CDYL: variants seen among roughly 807,000 people sequenced by gnomAD.
The protein encoded by CDYL is chromodomain Y-like protein.
CDYL carries 8 observed loss-of-function variants against 47.3 expected under a neutral mutation model. That is an observed-to-expected ratio of 0.17 (90% CI 0.10 to 0.31). CDYL has a LOEUF of 0.31. CDYL is among the 10% of genes least tolerant of loss of function. The pLI is 1.00. For synonymous variants in CDYL, 266 were observed against 265.0 expected (o/e 1.00, Z -0.04); for missense variants, 471 against 701.4 (o/e 0.67, Z 3.71).
intron 1 of CDYL, among the ~76,000 whole-genome samples, chr6:4,888,327 T>G (rs1441798705): frequency 1.3e-5 from 2 of 152,174 alleles, no homozygotes; most frequent in East Asian, 3.8e-4. Context: ...GTTTTGATGA[T>G]CAGTCTTATA....
intron 4 of CDYL, among the ~76,000 whole-genome samples, chr6:4,943,305 C>T (rs889087244): frequency 6.6e-6 from 1 of 152,160 alleles, no homozygotes; most frequent in Non-Finnish European, 1.5e-5. Context: ...ACCCTGTGGC[C>T]TTCACGTAGG....
At chr6:4,747,524 C>A (rs776427977) in intron 3 of CDYL, among the ~76,000 whole-genome samples, 2 of 152,116 alleles carry the variant, frequency 1.3e-5, no homozygotes, top group East Asian at 3.8e-4. Context: ...CCCAACTGTG[C>A]GTTTTCCAAA....
At chr6:4,896,899 A>G (rs899941829) in intron 2 of CDYL, among the ~76,000 whole-genome samples, 2 of 152,202 alleles carry the variant, frequency 1.3e-5, no homozygotes, top group African/African-American at 4.8e-5. Context: ...CAAAGAATGA[A>G]TGTTTCTGGA....
intron 5 of CDYL, among the ~76,000 whole-genome samples, chr6:4,948,950 C>T (rs1342702394): frequency 6.6e-6 from 1 of 152,268 alleles, no homozygotes; most frequent in Non-Finnish European, 1.5e-5. Context: ...GAGCTTTCAG[C>T]AGCCTGAGGC....
chr6:4,914,713 A>G (rs1757508197), intron 2 of CDYL, among the ~76,000 whole-genome samples: 1 of 152,200 alleles, frequency 6.6e-6, no homozygotes, highest in African/African-American at 2.4e-5. Flanking sequence ...GTTTGCATAG[A>G]ACACAGGGTT....
At chr6:4,871,214 T>C (rs1049632781) in intron 1 of CDYL, among the ~76,000 whole-genome samples, 1 of 152,200 alleles carries the variant, frequency 6.6e-6, no homozygotes, top group Non-Finnish European at 1.5e-5. Flanking sequence ...TCTGACTTTC[T>C]AGGGGTCACT....
At chr6:4,908,917 G>A (rs569137542) in intron 2 of CDYL, among the ~76,000 whole-genome samples, 17 of 152,286 alleles carry the variant, frequency 1.1e-4, no homozygotes, top group African/African-American at 2.6e-4. Flanking sequence ...TCCGTTCTTC[G>A]CTGCGTTCTG....
At chr6:4,913,270 A>AT (rs34118687) in intron 2 of CDYL, among the ~76,000 whole-genome samples, 2 of 152,068 alleles carry the variant, frequency 1.3e-5, no homozygotes, top group East Asian at 3.8e-4. Context: ...TTTAATTAAA[A>AT]TTTTTTTATT....
chr6:4,749,001 T>C (rs762586816), intron 3 of CDYL, among the ~76,000 whole-genome samples: 3 of 152,234 alleles, frequency 2.0e-5, no homozygotes, highest in Non-Finnish European at 4.4e-5. Flanking sequence ...GTGACTCCCC[T>C]GTAGACACAC....
At chr6:4,735,703 T>C (rs1757690109) in intron 3 of CDYL, among the ~76,000 whole-genome samples, 2 of 151,676 alleles carry the variant, frequency 1.3e-5, no homozygotes, top group Admixed American at 6.6e-5. Context: ...GAGGTGGAGG[T>C]TGCGGCGAGC....
intron 5 of CDYL, among the ~76,000 whole-genome samples, chr6:4,950,045 ATGAG>A (rs1025043877): frequency 2.0e-5 from 3 of 152,160 alleles, no homozygotes; most frequent in African/African-American, 7.2e-5. Context: ...ACCGGCCGCA[ATGAG>A]TGAGTGCTGA....
upstream of CDYL, among the ~76,000 whole-genome samples, chr6:4,776,107 C>G (rs1053211808): frequency 2.0e-5 from 3 of 150,300 alleles, no homozygotes; most frequent in African/African-American, 7.3e-5. Context: ...TGCCGCGGGC[C>G]AGGCCGACCC....
At chr6:4,764,173 G>T (rs1758217532) in intron 3 of CDYL, among the ~76,000 whole-genome samples, 1 of 152,124 alleles carries the variant, frequency 6.6e-6, no homozygotes, top group South Asian at 2.1e-4. Flanking sequence ...AAATAAAAGT[G>T]TTAATTGTAA....
At chr6:4,936,443 T>C (rs1306007260) in intron 3 of CDYL, among the ~76,000 whole-genome samples, 1 of 152,174 alleles carries the variant, frequency 6.6e-6, no homozygotes, top group Non-Finnish European at 1.5e-5. Context: ...AGTAGCTAGG[T>C]TGAGTTTTGT....
chr6:4,863,580 C>T (rs1021289207), intron 1 of CDYL, among the ~76,000 whole-genome samples: 1 of 152,202 alleles, frequency 6.6e-6, no homozygotes, highest in Non-Finnish European at 1.5e-5. Flanking sequence ...TGCTTTGATG[C>T]AGCTGGTTCC....
At chr6:4,832,110 A>G (rs371817905) in intron 1 of CDYL, among the ~76,000 whole-genome samples, 5 of 151,840 alleles carry the variant, frequency 3.3e-5, no homozygotes, top group African/African-American at 4.8e-5. Flanking sequence ...TTCCAACACT[A>G]TGTTGAATAG....
intron 1 of CDYL, among the ~76,000 whole-genome samples, chr6:4,848,702 T>G (rs970589347): frequency 6.6e-6 from 1 of 152,242 alleles, no homozygotes; most frequent in African/African-American, 2.4e-5. Flanking sequence ...AGCTGCCCAA[T>G]GGCTTGCGTC....
chr6:4,932,432 C>G (rs1242163838), intron 2 of CDYL, among the ~76,000 whole-genome samples: 1 of 152,166 alleles, frequency 6.6e-6, no homozygotes. Flanking sequence ...TAATCACCCC[C>G]CAAAGGCCCC....
chr6:4,869,999 T>A (rs2127472636), intron 1 of CDYL, among the ~76,000 whole-genome samples: 1 of 152,330 alleles, frequency 6.6e-6, no homozygotes, highest in Non-Finnish European at 1.5e-5. Flanking sequence ...TGACAAGAGA[T>A]TTTCATTTAT....
Sources: allele counts gnomAD v4.1 joint callset (sites outside exome capture counted in the v4.1 genomes callset), GRCh38; gene constraint gnomAD v4.1.1; transcripts MANE v1.5; gene names NCBI Gene and HGNC (gene_info 2026-07-23, HGNC 2026-07-21).